CSMD1: variants seen among roughly 807,000 people sequenced by gnomAD.
CSMD1 encodes CUB and sushi domain-containing protein 1.
In CSMD1, 213 loss-of-function variants were observed where a neutral mutation model predicts 417.5. That is an observed-to-expected ratio of 0.51 (90% CI 0.46 to 0.57). The LOEUF (loss-of-function observed/expected upper bound fraction) is 0.57. Among genes scored for constraint, CSMD1 ranks in the 20% least tolerant of loss-of-function variants. The pLI is 0.00. For synonymous variants in CSMD1, 2,862 were observed against 1,736.8 expected, an observed-to-expected ratio of 1.65 and a Z score of -16.11; for missense variants, 6,923 against 4,529.7, an observed-to-expected ratio of 1.53 and a Z score of -15.17.
At chr8:4,976,151 T>A (rs927123626) in intron 1 of CSMD1, among the ~76,000 whole-genome samples, 5 of 152,122 alleles carry the variant, frequency 3.3e-5, no homozygotes, top group African/African-American at 1.2e-4. Flanking sequence ...CACTGGAGAA[T>A]CCTAGAGGGA....
At chr8:4,323,805 G>A (rs1202896019) in intron 3 of CSMD1, among the ~76,000 whole-genome samples, 1 of 152,132 alleles carries the variant, frequency 6.6e-6, no homozygotes. Flanking sequence ...GAACCATAAA[G>A]GATGGGCAGC....
intron 5 of CSMD1, among the ~76,000 whole-genome samples, chr8:3,968,424 G>C (rs1337118379): frequency 1.3e-5 from 2 of 152,020 alleles, no homozygotes; most frequent in Non-Finnish European, 2.9e-5. Context: ...GGTTCACATG[G>C]ACACACACTC....
chr8:4,390,577 G>A (rs942074458), intron 3 of CSMD1, among the ~76,000 whole-genome samples: 24 of 150,000 alleles, frequency 1.6e-4, no homozygotes, highest in African/African-American at 5.9e-4. Flanking sequence ...GCAGTGGTGC[G>A]ATCTCAGCTC....
intron 2 of CSMD1, among the ~76,000 whole-genome samples, chr8:4,455,875 G>A (rs932404225): frequency 8.4e-6 from 1 of 119,142 alleles, no homozygotes; most frequent in Non-Finnish European, 1.6e-5. Flanking sequence ...GTTGCAGTGA[G>A]CCAAGATCAT....
At chr8:3,547,329 T>A (rs1283882077) in intron 10 of CSMD1, among the ~76,000 whole-genome samples, 1 of 152,202 alleles carries the variant, frequency 6.6e-6, no homozygotes, top group Non-Finnish European at 1.5e-5. Context: ...AGTTTCTAAG[T>A]GAGAATGTAA....
intron 3 of CSMD1, among the ~76,000 whole-genome samples, chr8:4,397,186 G>A (rs1009765202): frequency 6.6e-6 from 1 of 152,008 alleles, no homozygotes; most frequent in Non-Finnish European, 1.5e-5. Context: ...CAACATGTAT[G>A]TGTTTGATCC....
chr8:4,692,713 C>T (rs778894883), intron 1 of CSMD1, among the ~76,000 whole-genome samples: 6 of 152,136 alleles, frequency 3.9e-5, no homozygotes, highest in Admixed American at 1.3e-4. Context: ...AGCCTGCAAA[C>T]CCCCCGATAA....
At chr8:4,483,015 T>A (rs1717335683) in intron 2 of CSMD1, among the ~76,000 whole-genome samples, 1 of 152,174 alleles carries the variant, frequency 6.6e-6, no homozygotes, top group African/African-American at 2.4e-5. Flanking sequence ...TTGATTGGTT[T>A]GGCTCTGCGT....
chr8:4,705,441 C>A (rs1807868957), intron 1 of CSMD1, among the ~76,000 whole-genome samples: 1 of 152,184 alleles, frequency 6.6e-6, no homozygotes, highest in South Asian at 2.1e-4. Context: ...AGTCGCCTGT[C>A]ATTCAAAAGT....
At chr8:3,726,267 G>C (rs996161827) in intron 6 of CSMD1, among the ~76,000 whole-genome samples, 4 of 152,306 alleles carry the variant, frequency 2.6e-5, no homozygotes, top group African/African-American at 9.6e-5. Context: ...AGCCCAGCTA[G>C]GCTGCACATC....
intron 12 of CSMD1, among the ~76,000 whole-genome samples, chr8:3,431,848 G>A (rs1814235662): frequency 6.6e-6 from 1 of 152,100 alleles, no homozygotes; most frequent in South Asian, 2.1e-4. Context: ...TTTCCTACCA[G>A]CCTGCCACCA....
chr8:3,742,850 G>C (rs946084747), intron 6 of CSMD1, among the ~76,000 whole-genome samples: 5 of 152,212 alleles, frequency 3.3e-5, no homozygotes, highest in African/African-American at 1.2e-4. Context: ...ACTGTGAAGA[G>C]TTACTTCTGC....
chr8:4,521,562 A>C (rs1038419788), intron 2 of CSMD1, among the ~76,000 whole-genome samples: 1 of 152,214 alleles, frequency 6.6e-6, no homozygotes, highest in Non-Finnish European at 1.5e-5. Context: ...GATATGATAG[A>C]GTAATGCTTT....
At chr8:4,653,141 G>T in intron 1 of CSMD1, among the ~76,000 whole-genome samples, 1 of 152,170 alleles carries the variant, frequency 6.6e-6, no homozygotes, top group Non-Finnish European at 1.5e-5. Context: ...CCATTTAGTA[G>T]AAATTTCCAA....
chr8:4,896,874 C>T (rs956681478), intron 1 of CSMD1, among the ~76,000 whole-genome samples: 1 of 152,026 alleles, frequency 6.6e-6, no homozygotes, highest in African/African-American at 2.4e-5. Context: ...GAACACTGTC[C>T]AAGGCAGGAA....
In CSMD1 at chr8:3,782,305, C is replaced by A. The variant is rs528789752; in HGVS notation, c.819-28263G>T. On this transcript the variant is annotated intron_variant, in intron 5 of 69. Coordinates refer to ENST00000635120, the MANE Select transcript of CSMD1 (RefSeq NM_033225.6). ...ACTTGCTTATATATTTCCATGCTAA[C>A]CATACTTGTATGATACTGTGGCCCT... 1.3e-5 allele frequency among the ~76,000 whole-genome samples: 2 copies of A among 152,198 alleles called. 1 individual carries two copies. Among genetic ancestry groups the A allele is most frequent in the South Asian group, 4.1e-4 (2 of 4,820 alleles).
intron 3 of CSMD1, among the ~76,000 whole-genome samples, chr8:4,307,692 A>T (rs1036296826): frequency 2.0e-5 from 3 of 152,162 alleles, no homozygotes; most frequent in Non-Finnish European, 4.4e-5. Context: ...TGACTTTGCA[A>T]ACGAACAGCA....
At chr8:3,423,855 C>T (rs1293172636) in intron 12 of CSMD1, among the ~76,000 whole-genome samples, 1 of 152,164 alleles carries the variant, frequency 6.6e-6, no homozygotes, top group East Asian at 1.9e-4. Flanking sequence ...TGGAAGTCAC[C>T]TCCACCAGTC....
chr8:3,582,085 GC>G (rs1800406534), intron 9 of CSMD1, among the ~76,000 whole-genome samples: 1 of 152,110 alleles, frequency 6.6e-6, no homozygotes, highest in Non-Finnish European at 1.5e-5. Flanking sequence ...GTGAGCCACC[GC>G]GCTGGCCAAT....
Sources: gnomAD v4.1 joint callset for allele counts (sites outside exome capture counted in the v4.1 genomes callset) on GRCh38, gnomAD v4.1.1 for gene constraint, MANE v1.5 for transcripts, NCBI Gene and HGNC (gene_info 2026-07-23, HGNC 2026-07-21) for gene names.